Variants in PTPRB observed in about 807,000 individuals in gnomAD.
The protein encoded by PTPRB is receptor-type tyrosine-protein phosphatase beta.
PTPRB carries 97 observed loss-of-function variants against 238.1 expected under a neutral mutation model. The ratio of observed to expected loss-of-function variants is 0.41; its 90% confidence interval spans 0.35 to 0.48. PTPRB has a LOEUF of 0.48. Ranked by LOEUF, PTPRB falls within the 20% of genes least tolerant of loss-of-function variation. PTPRB has a pLI of 0.30. For synonymous variants in PTPRB, 970 were observed against 995.4 expected (o/e 0.97, Z 0.48); for missense variants, 2,292 against 2,681.9 (o/e 0.85, Z 3.21).
intron 21 of PTPRB, among the ~76,000 whole-genome samples, chr12:70,550,675 G>A (rs779687213): frequency 1.1e-4 from 16 of 152,130 alleles, no homozygotes; most frequent in Non-Finnish European, 2.1e-4. Context: ...TGGGTGCTGG[G>A]AGATTGGTGG....
Position 70,540,850 on chromosome 12 carries a change from G to GTACT in PTPRB, c.5594+4_5594+7dup, listed in dbSNP as rs1565917803. ...GGGTCCAATCACCAAAAGGATCTTT[G>GTACT]TACTTACCTCACTTTCTGTCTGCAG... is the stretch of plus-strand genomic sequence containing the variant. On this transcript the variant is annotated splice_region_variant and intron_variant, in intron 23 of 33. Transcript: ENST00000334414. The GTACT allele has an allele frequency of 3.2e-6, 5 of 1,586,058 alleles. No individual in the cohort carries two copies. The African/African-American group carries it at 5.4e-5, about 17-fold the overall frequency.
At position 70,569,747 on chromosome 12, in the gene PTPRB, C is replaced by T; in HGVS notation, c.3562G>A (p.Glu1188Lys). The T allele has an allele frequency of 1.2e-6, 2 of 1,613,854 alleles. No individual in the cohort carries two copies. The highest frequency in any genetic ancestry group is 1.1e-5 in the South Asian group (1 of 91,072). ...EHTFHRLEAGEQYQIMIASVS... is the reference protein window; with the variant it reads ...EHTFHRLEAGKQYQIMIASVS... ...GAGGCAATCATGATCTGGTACTGCT[C>T]CCCGGCCTCCAGTCTGTGGAACGTG... is the stretch of plus-strand genomic sequence containing the variant. Residue 1188 changes from glutamate to lysine, a missense_variant, in exon 14 of 34, where the codon GAG becomes AAG. Physicochemically the swap from Glu to Lys is moderately conservative, Grantham distance 56. This residue lies in a region of PTPRB where 683 missense variants were observed against 862.0 expected (regional missense o/e 0.79). Coordinates refer to ENST00000334414, the MANE Select transcript of PTPRB (RefSeq NM_001109754.4).
At position 70,540,282 on chromosome 12, in the gene PTPRB, C is replaced by T. The variant is rs773388945; in HGVS notation, c.5595-260G>A. ...ACAGGTTATAATCACTTCCCACATT[C>T]TCAATAAAACTTTGCTTTAAAAAAA... On this transcript the variant is annotated intron_variant, in intron 23 of 33. Transcript: ENST00000334414. The T allele has an allele frequency of 4.9e-4, 173 of 352,058 alleles. 2 individuals are homozygous for T. The highest frequency in any genetic ancestry group is 2.3e-3 in the Middle Eastern group (3 of 1,306). The allele number at this position is 352,058 out of a possible 1,614,324, so 21.8% of individuals were successfully genotyped here. A position where few individuals can be genotyped will look rare whatever the true frequency, so the allele number is the denominator to read the frequency against.
intron 21 of PTPRB, among the ~76,000 whole-genome samples, chr12:70,547,222 C>A (rs892282528): frequency 1.3e-5 from 2 of 152,106 alleles, no homozygotes; most frequent in Admixed American, 6.5e-5. Context: ...CTTCCATCTC[C>A]AAAAGATCCA....
chr12:70,566,886 C>G (rs149733280), intron 14 of PTPRB, among the ~76,000 whole-genome samples, 182 bp from the exon 15 acceptor site: 1 of 152,258 alleles, frequency 6.6e-6, no homozygotes, highest in African/African-American at 2.4e-5. Flanking sequence ...GTTGGCTTAA[C>G]CTGTCTGTAC....
At chr12:70,617,955 A>T (rs529196870) in intron 3 of PTPRB, among the ~76,000 whole-genome samples, 1 of 152,352 alleles carries the variant, frequency 6.6e-6, no homozygotes, top group Non-Finnish European at 1.5e-5. Context: ...AAGTATTTTC[A>T]CATAATATGT....
At chr12:70,626,690 A>AATT (rs1201340507) in intron 2 of PTPRB, among the ~76,000 whole-genome samples, 1 of 151,928 alleles carries the variant, frequency 6.6e-6, no homozygotes, top group Non-Finnish European at 1.5e-5. Flanking sequence ...TTATATAAGG[A>AATT]ATTTGAGCAT....
chr12:70,635,161 T>C (rs1375115987), intron 2 of PTPRB, among the ~76,000 whole-genome samples: 2 of 152,224 alleles, frequency 1.3e-5, no homozygotes, highest in Non-Finnish European at 2.9e-5. Flanking sequence ...AAAAGATATC[T>C]ACCCCTAAAC....
At chr12:70,564,078 A>G (rs1160022839) in intron 15 of PTPRB, among the ~76,000 whole-genome samples, 1 of 152,198 alleles carries the variant, frequency 6.6e-6, no homozygotes, top group Non-Finnish European at 1.5e-5. Flanking sequence ...CAGGTCAGAC[A>G]CACACCCACT....
At chr12:70,526,360 G>T (rs1418554380) in intron 32 of PTPRB, among the ~76,000 whole-genome samples, 2 of 152,138 alleles carry the variant, frequency 1.3e-5, no homozygotes, top group African/African-American at 4.8e-5. Context: ...GGACCATCAG[G>T]CCTGGATAAA....
At position 70,555,907 on chromosome 12, in the gene PTPRB, G is replaced by A. The variant is rs764803235; in HGVS notation, c.4956C>T (p.Ser1652=). The A allele has an allele frequency of 3.2e-5, 51 of 1,613,232 alleles. No homozygotes were observed. In the Admixed American group the frequency reaches 4.0e-4, roughly 13 times the overall value. The change falls in exon 19 of 34, where the codon AGC becomes AGT. Residue 1652 remains serine (S), a synonymous_variant. Transcript: ENST00000334414. The part of the protein sequence containing the change: ...SIKVQSAGMT[S]EVVEDSTITM... Reference sequence around the variant, plus strand: ...TGATAGTGCTGTCTTCAACCACCTCGCTGGTCATGCCGGCCGACTGCACTT... The same window carrying A: ...TGATAGTGCTGTCTTCAACCACCTCACTGGTCATGCCGGCCGACTGCACTT...
Position 70,520,566 on chromosome 12 carries a change from T to C in PTPRB, c.*923A>G, listed in dbSNP as rs1016074665. The C allele has an allele frequency of 5.5e-5, 11 of 200,306 alleles. No homozygotes were observed. The highest frequency in any genetic ancestry group is 2.6e-4 in the African/African-American group (11 of 41,956). The allele number at this position is 200,306 out of a possible 1,614,324, so 12.4% of individuals were successfully genotyped here. On this transcript the variant is annotated 3_prime_UTR_variant, in exon 34 of 34. Coordinates refer to ENST00000334414, the MANE Select transcript of PTPRB (RefSeq NM_001109754.4). ...CAAGTAGGAATGGATAATTGTGACTTTTCTAGGAATGGAGACCACTGAAAA... is the reference window on the plus strand; with the variant it reads ...CAAGTAGGAATGGATAATTGTGACTCTTCTAGGAATGGAGACCACTGAAAA...
chr12:70,566,471 G>A lies in PTPRB; in HGVS notation c.3868C>T (p.Leu1290Phe). The A allele has an allele frequency of 6.2e-7, 1 of 1,613,942 alleles. No individual in the cohort carries two copies. Among genetic ancestry groups the A allele is most frequent in the Admixed American group, 1.7e-5 (1 of 60,012 alleles). Residue 1290 changes from leucine (L) to phenylalanine (F), a missense_variant, in exon 15 of 34, where the codon CTC becomes TTC. By Grantham distance (22) the Leu-to-Phe change is conservative (BLOSUM62 0). This residue lies in a region of PTPRB where 683 missense variants were observed against 862.0 expected (regional missense o/e 0.79). Transcript: ENST00000334414. ...KIQILTVSGG[L>F]FSKEAQTEGR... ...TCAGTCTGGGCTTCCTTGCTAAAGA[G>A]GCCTCCACTGACAGTTAGGATCTGT...
At chr12:70,631,487 C>T (rs1196318077) in intron 2 of PTPRB, among the ~76,000 whole-genome samples, 1 of 152,168 alleles carries the variant, frequency 6.6e-6, no homozygotes, top group Non-Finnish European at 1.5e-5. Flanking sequence ...TAGAAGAAAA[C>T]CTAGGCAATA....
At chr12:70,579,757 A>G (rs992931725) in intron 10 of PTPRB, among the ~76,000 whole-genome samples, 4 of 151,786 alleles carry the variant, frequency 2.6e-5, no homozygotes, top group African/African-American at 9.7e-5. Context: ...AGAATGAGGG[A>G]AATGGGCATA....
Position 70,589,492 on chromosome 12 carries a change from G to C in PTPRB, c.2050+472C>G, listed in dbSNP as rs567190046. ...TCACGATTATATTGCAAAGCTTTGG[G>C]CAAGTTATAACCTCTTTGAGCCTGT... On this transcript the variant is annotated intron_variant, in intron 8 of 33. Coordinates refer to ENST00000334414, the MANE Select transcript of PTPRB (RefSeq NM_001109754.4). Among the ~76,000 whole-genome samples, 14 of 152,238 alleles carry C rather than the reference G, an allele frequency of 9.2e-5. 1 individual carries two copies. The highest frequency in any genetic ancestry group is 9.2e-4 in the Admixed American group (14 of 15,290).
chr12:70,571,360 A>G, intron 12 of PTPRB, 71 bp from the exon 13 acceptor site: 1 of 1,405,442 alleles, frequency 7.1e-7, no homozygotes, highest in South Asian at 1.4e-5. Context: ...TAATTTATGA[A>G]TCACATTCAA....
intron 18 of PTPRB, among the ~76,000 whole-genome samples, chr12:70,557,263 GA>G (rs1877830225): frequency 6.6e-6 from 1 of 152,192 alleles, no homozygotes; most frequent in African/African-American, 2.4e-5. Context: ...ATATTTGTGA[GA>G]AATTGAGTAC....
rs1177272779 is a variant in PTPRB at position 70,516,364 on chromosome 12, G to T, written c.*5125C>A. On this transcript the variant is annotated 3_prime_UTR_variant, in exon 34 of 34. Coordinates refer to ENST00000334414, the MANE Select transcript of PTPRB (RefSeq NM_001109754.4). ...GAGTCGAGACGAGATTAAAGACTTG[G>T]TCCTTGTTCTTGAGGAATTTATAAG... 6.6e-6 allele frequency: 1 copy of T among 152,140 alleles called. No individual in the cohort carries two copies. Among genetic ancestry groups the T allele is most frequent in the African/African-American group, 2.4e-5 (1 of 41,430 alleles). 9.4% of individuals were successfully genotyped at this position (152,140 alleles called of 1,614,324 possible).
Sources: gnomAD v4.1 joint callset for allele counts (sites outside exome capture counted in the v4.1 genomes callset) on GRCh38, gnomAD v4.1.1 for gene constraint, gnomAD v4.1.1 regional missense constraint, MANE v1.5 for transcripts, NCBI Gene and HGNC (gene_info 2026-07-23, HGNC 2026-07-21) for gene names.